Variants in CWC27 observed in about 807,000 individuals in gnomAD.
CWC27 encodes the protein spliceosome-associated protein CWC27 homolog.
In CWC27, 47 loss-of-function variants were observed where a neutral mutation model predicts 63.6. The observed-to-expected ratio is 0.74, with a 90% CI of 0.58 to 0.94. The LOEUF (loss-of-function observed/expected upper bound fraction) is 0.94, where lower values mean the gene tolerates loss of function less well. Among genes scored for constraint, CWC27 ranks in the 40% least tolerant of loss-of-function variants. CWC27 has a pLI of 0.00. For synonymous variants in CWC27, 175 were observed against 179.8 expected (o/e 0.97, Z 0.22); for missense variants, 495 against 554.3 (o/e 0.89, Z 1.07).
intron 7 of CWC27, among the ~76,000 whole-genome samples, chr5:64,796,002 CGTGTGTGTGTGT>C (rs56699605): frequency 7.6e-4 from 103 of 135,884 alleles, no homozygotes; most frequent in Middle Eastern, 7.2e-3. Flanking sequence ...AGAAATTGTG[CGTGTGTGTGTGT>C]GTGTGTGTGT....
Position 64,864,013 on chromosome 5 carries a change from C to A in CWC27, c.939-21430C>A, listed in dbSNP as rs538959622. Among the ~76,000 whole-genome samples, 259 of 152,242 alleles carry A rather than the reference C, an allele frequency of 1.7e-3. 1 individual carries two copies. The highest frequency in any genetic ancestry group is 6.1e-3 in the African/African-American group (255 of 41,548). ...GCATTCATCTATAAAGAAAAGCTTT[C>A]ACTCATCAACTGAGGCTTTGATTAT... On this transcript the variant is annotated intron_variant, in intron 10 of 13. Transcript: ENST00000381070.
At chr5:64,806,464 T>G (rs765725655) in intron 10 of CWC27, among the ~76,000 whole-genome samples, 9 of 152,190 alleles carry the variant, frequency 5.9e-5, no homozygotes, top group Non-Finnish European at 1.0e-4. Flanking sequence ...AGCACACATT[T>G]ATTTATAACT....
chr5:64,923,740 C>G (rs186478196), intron 11 of CWC27, among the ~76,000 whole-genome samples: 1 of 151,112 alleles, frequency 6.6e-6, no homozygotes, highest in African/African-American at 2.4e-5. Flanking sequence ...ACAAATATTT[C>G]CCAATTTCAT....
chr5:64,978,917 T>C (rs148778027), intron 13 of CWC27, among the ~76,000 whole-genome samples: 1 of 152,278 alleles, frequency 6.6e-6, no homozygotes, highest in African/African-American at 2.4e-5. Flanking sequence ...GAAGTTTTAT[T>C]TGAAGCTCAT....
chr5:64,827,606 A>G (rs774473332), intron 10 of CWC27, among the ~76,000 whole-genome samples: 2 of 152,226 alleles, frequency 1.3e-5, no homozygotes, highest in African/African-American at 2.4e-5. Context: ...TTTAAAACAG[A>G]AATAAAAACA....
chr5:64,927,785 T>C (rs1008160325), intron 11 of CWC27, among the ~76,000 whole-genome samples: 5 of 152,208 alleles, frequency 3.3e-5, no homozygotes, highest in Non-Finnish European at 7.3e-5. Flanking sequence ...TCCCAAATCA[T>C]TGTCCACAAC....
Position 64,804,730 on chromosome 5 carries a change from A to G in CWC27, c.938+344A>G, listed in dbSNP as rs1484175060. On this transcript the variant is annotated intron_variant, in intron 10 of 13. Transcript: ENST00000381070. ...GAGAGCAGTAGAGTAATTGTATAGAAAGAAAAGAGACATCCTCAAATAATT... is the reference window on the plus strand; with the variant it reads ...GAGAGCAGTAGAGTAATTGTATAGAGAGAAAAGAGACATCCTCAAATAATT... 3 of 167,696 alleles carry G rather than the reference A, an allele frequency of 1.8e-5. No homozygotes were observed. In the Admixed American group the frequency reaches 1.9e-4, roughly 11 times the overall value. 10.4% of individuals were successfully genotyped at this position (167,696 alleles called of 1,614,324 possible). A position where few individuals can be genotyped will look rare whatever the true frequency, so the allele number is the denominator to read the frequency against.
At chr5:64,909,314 T>G (rs147892325) in intron 11 of CWC27, among the ~76,000 whole-genome samples, 3 of 152,232 alleles carry the variant, frequency 2.0e-5, no homozygotes, top group African/African-American at 7.2e-5. Context: ...ACTGTCAGTC[T>G]GATGGGCTTC....
intron 13 of CWC27, among the ~76,000 whole-genome samples, chr5:65,007,919 T>C (rs573172799): frequency 2.6e-5 from 4 of 152,182 alleles, no homozygotes; most frequent in African/African-American, 7.2e-5. Flanking sequence ...TGAGCCACCG[T>C]GCCCAGCCTC....
chr5:64,922,240 C>T (rs1748011392), intron 11 of CWC27, among the ~76,000 whole-genome samples: 1 of 152,130 alleles, frequency 6.6e-6, no homozygotes, highest in African/African-American at 2.4e-5. Context: ...ATATTACTTA[C>T]CCTCTCTTAT....
chr5:64,823,059 G>T (rs1229961383), intron 10 of CWC27, among the ~76,000 whole-genome samples: 7 of 152,130 alleles, frequency 4.6e-5, no homozygotes, highest in African/African-American at 1.7e-4. Flanking sequence ...TTGTTTGCTA[G>T]AAATGAGATC....
At chr5:64,886,605 T>C (rs1747076947) in intron 11 of CWC27, among the ~76,000 whole-genome samples, 1 of 152,276 alleles carries the variant, frequency 6.6e-6, no homozygotes, top group African/African-American at 2.4e-5. Context: ...GTATTATTAT[T>C]GTTTATTTTA....
At chr5:64,934,293 T>G (rs1016354633) in intron 11 of CWC27, among the ~76,000 whole-genome samples, 2 of 152,156 alleles carry the variant, frequency 1.3e-5, no homozygotes, top group African/African-American at 4.8e-5. Context: ...TGATGTTCCC[T>G]TCCCTGTGTC....
intron 1 of CWC27, among the ~76,000 whole-genome samples, chr5:64,771,174 T>A (rs1580570186): frequency 6.6e-6 from 1 of 152,236 alleles, no homozygotes; most frequent in Admixed American, 6.5e-5. Context: ...ATAAGGCTCA[T>A]CAAAGATATT....
chr5:64,799,491 CAGGAG>C (rs1421131638), intron 7 of CWC27, among the ~76,000 whole-genome samples: 1 of 149,790 alleles, frequency 6.7e-6, no homozygotes, highest in Non-Finnish European at 1.5e-5. Context: ...GAGGCTGAGG[CAGGAG>C]GATCGCTTGA....
chr5:64,804,422 G>A (rs1319536620), intron 10 of CWC27, 36 bp downstream of exon 10: 1 of 1,524,506 alleles, frequency 6.6e-7, no homozygotes, highest in Admixed American at 2.1e-5. Context: ...CAGAGTTTTT[G>A]TCTTTTTATA....
At chr5:64,907,813 T>C (rs1281260917) in intron 11 of CWC27, among the ~76,000 whole-genome samples, 1 of 152,214 alleles carries the variant, frequency 6.6e-6, no homozygotes, top group South Asian at 2.1e-4. Flanking sequence ...TAGATAGCTC[T>C]TATTATTTTG....
intron 11 of CWC27, among the ~76,000 whole-genome samples, chr5:64,908,838 A>C (rs546763799): frequency 7.6e-4 from 116 of 152,182 alleles, no homozygotes; most frequent in Admixed American, 3.1e-3. Context: ...TCTTTATCCA[A>C]TTTGCCAGTC....
intron 13 of CWC27, among the ~76,000 whole-genome samples, chr5:65,003,378 T>C (rs981213375): frequency 1.3e-5 from 2 of 152,208 alleles, no homozygotes; most frequent in African/African-American, 4.8e-5. Flanking sequence ...CGTTTTTTAT[T>C]ATTGCCATTT....
Sources: allele counts gnomAD v4.1 joint callset (sites outside exome capture counted in the v4.1 genomes callset), GRCh38; gene constraint gnomAD v4.1.1; transcripts MANE v1.5; gene names NCBI Gene and HGNC (gene_info 2026-07-23, HGNC 2026-07-21).